MGST1: variants seen among roughly 807,000 people sequenced by gnomAD.
MGST1 encodes the protein glutathione S-transferase 12.
MGST1 carries 5 observed loss-of-function variants against 8.9 expected under a neutral mutation model. The observed-to-expected ratio is 0.56, with a 90% CI of 0.29 to 1.19. The LOEUF (loss-of-function observed/expected upper bound fraction) is 1.19, where lower values mean the gene tolerates loss of function less well. MGST1 is among the 50% of genes most tolerant of loss of function. MGST1 has a pLI of 0.08. For synonymous variants in MGST1, 54 were observed against 67.8 expected (o/e 0.80, Z 1.00); for missense variants, 182 against 187.4 (o/e 0.97, Z 0.17).
intron 4 of MGST1, among the ~76,000 whole-genome samples, chr12:16,543,266 C>A (rs1322027233): frequency 6.6e-6 from 1 of 152,090 alleles, no homozygotes; most frequent in Admixed American, 6.6e-5. Flanking sequence ...AAATGCTAGA[C>A]ACATACATGG....
chr12:16,550,341 TA>T (rs1410767792), intron 4 of MGST1: 1 of 152,456 alleles, frequency 6.6e-6, no homozygotes, highest in Non-Finnish European at 1.5e-5. Flanking sequence ...AACAGATTTT[TA>T]AAGTAACCCT....
chr12:16,484,562 A>C (rs1023184835), intron 4 of MGST1, among the ~76,000 whole-genome samples: 1 of 152,154 alleles, frequency 6.6e-6, no homozygotes, highest in Admixed American at 6.5e-5. Context: ...ACAACTAGGG[A>C]GGTCTCAGGA....
chr12:16,521,067 G>C (rs1375034446), intron 4 of MGST1, among the ~76,000 whole-genome samples: 1 of 152,072 alleles, frequency 6.6e-6, no homozygotes, highest in African/African-American at 2.4e-5. Flanking sequence ...TCCTCCCCCA[G>C]GATGACAGCA....
downstream of MGST1, among the ~76,000 whole-genome samples, chr12:16,381,626 G>T (rs1647955806): frequency 6.6e-6 from 1 of 151,852 alleles, no homozygotes; most frequent in Admixed American, 6.6e-5. Flanking sequence ...TCTTGGGGTT[G>T]CTCTCGAGGA....
At chr12:16,590,279 G>A (rs1943449597), downstream of MGST1, among the ~76,000 whole-genome samples, 1 of 151,942 alleles carries the variant, frequency 6.6e-6, no homozygotes, top group African/African-American at 2.4e-5. Flanking sequence ...TTAGGTTAGT[G>A]GTGAGAAATA....
rs75591820 is a variant in MGST1 at position 16,534,565 on chromosome 12, G to A, written n.483-54963G>A. On this transcript the variant is annotated intron_variant and non_coding_transcript_variant, in intron 4 of 4. Coordinates refer to the MGST1 transcript ENST00000538857. ...TATGTATTGTGTGTAGCAGGGATAA[G>A]GATGCCTATTTAAAGAGCTAGAAAA... Among the ~76,000 whole-genome samples, 1,042 of 152,234 alleles carry A rather than the reference G, an allele frequency of 6.8e-3. 16 individuals are homozygous for A. The highest frequency in any genetic ancestry group is 0.024 in the African/African-American group (996 of 41,534).
rs1941808150 is a variant in MGST1, at chr12:16,544,125, C to T, written n.483-45403C>T. Among the ~76,000 whole-genome samples the T allele has an allele frequency of 6.6e-6, 1 of 151,902 alleles. No individual in the cohort carries two copies. Among genetic ancestry groups the T allele is most frequent in the African/African-American group, 2.4e-5 (1 of 41,378 alleles). On this transcript the variant is annotated intron_variant and non_coding_transcript_variant, in intron 4 of 4. Transcript: ENST00000538857. The surrounding 1 kb of genome is among the most constrained non-coding windows in gnomAD (Gnocchi z 4.8). ...GTTCACAGCATCTTACTGTGCTGCA[C>T]TGCGTTTTTCTCATGCCTTTTATTT...
At chr12:16,551,126 T>C (rs1006009886) in intron 4 of MGST1, 5 of 808,168 alleles carry the variant, frequency 6.2e-6, no homozygotes, top group Middle Eastern at 2.3e-4. Flanking sequence ...ATCTACGCTA[T>C]TCAGTAGGTT....
intron 4 of MGST1, among the ~76,000 whole-genome samples, chr12:16,505,558 A>T (rs754893479): frequency 2.0e-5 from 3 of 152,148 alleles, no homozygotes; most frequent in Non-Finnish European, 4.4e-5. Context: ...TTCTTCCGAG[A>T]TATACCAATA....
intron 1 of MGST1, among the ~76,000 whole-genome samples, chr12:16,427,761 A>T (rs1052593482): frequency 1.3e-5 from 2 of 152,182 alleles, no homozygotes; most frequent in Non-Finnish European, 2.9e-5. Context: ...AATTATTTCC[A>T]TCTAAGCATT....
At chr12:16,570,753 T>C (rs1942787334) in intron 4 of MGST1, among the ~76,000 whole-genome samples, 1 of 152,160 alleles carries the variant, frequency 6.6e-6, no homozygotes, top group African/African-American at 2.4e-5. Context: ...TATCCAGAGA[T>C]TGTGATTTAG....
chr12:16,373,993 T>A (rs1940338894), intron 3 of MGST1, among the ~76,000 whole-genome samples: 1 of 152,140 alleles, frequency 6.6e-6, no homozygotes, highest in Non-Finnish European at 1.5e-5. Flanking sequence ...TCTCTTGACA[T>A]TACTGTGATG....
rs573953710 is a variant in MGST1, at chr12:16,584,162, G to A, written n.483-5366G>A. Among the ~76,000 whole-genome samples the A allele has an allele frequency of 5.9e-5, 9 of 152,200 alleles. No homozygotes were observed. In the East Asian group the frequency reaches 1.7e-3, roughly 30 times the overall value. On this transcript the variant is annotated intron_variant and non_coding_transcript_variant, in intron 4 of 4. Coordinates refer to the MGST1 transcript ENST00000538857. The surrounding 1 kb of genome is among the most constrained non-coding windows in gnomAD (Gnocchi z 5.2). ...AAGAGGGAAATGACAGCAGTGAGTA[G>A]GGGTAAAAGGTAGTATAATTAGATG...
At chr12:16,348,728 G>A (rs1368426229) in intron 1 of MGST1, among the ~76,000 whole-genome samples, 1 of 150,626 alleles carries the variant, frequency 6.6e-6, no homozygotes, top group African/African-American at 2.4e-5. Flanking sequence ...TTGGCCTTAG[G>A]ATAGTACTGG....
intron 4 of MGST1, among the ~76,000 whole-genome samples, chr12:16,502,293 G>A (rs1286221385): frequency 6.6e-6 from 1 of 152,100 alleles, no homozygotes; most frequent in Non-Finnish European, 1.5e-5. Flanking sequence ...AGGCTGACCT[G>A]GATCCAAACT....
chr12:16,364,126 G>T lies in MGST1; in HGVS notation c.*85G>T. Reference sequence around the variant, plus strand: ...TAATGAATACTTTCTTAGATTTTAGGTAGGAGGGGAGCAGAGGAATTATGA... The same window carrying T: ...TAATGAATACTTTCTTAGATTTTAGTTAGGAGGGGAGCAGAGGAATTATGA... On this transcript the variant is annotated 3_prime_UTR_variant, in exon 4 of 4. Coordinates refer to ENST00000396210, the MANE Select transcript of MGST1 (RefSeq NM_020300.5). This position sits in a 1 kb window ranked among gnomAD's most constrained non-coding sequence, Gnocchi z 5.7. The T allele has an allele frequency of 6.8e-7, 1 of 1,480,608 alleles. No homozygotes were observed. The highest frequency in any genetic ancestry group is 9.0e-7 in the Non-Finnish European group (1 of 1,113,696). 91.7% of individuals were successfully genotyped at this position (1,480,608 alleles called of 1,614,324 possible).
chr12:16,351,278 T>A (rs1591688013), intron 1 of MGST1, among the ~76,000 whole-genome samples: 1 of 152,130 alleles, frequency 6.6e-6, no homozygotes, highest in East Asian at 1.9e-4. Context: ...TTACCTACAC[T>A]CTGAAGGATA....
At chr12:16,494,457 G>GTAATTAC (rs1167375595) in intron 4 of MGST1, among the ~76,000 whole-genome samples, 3 of 152,106 alleles carry the variant, frequency 2.0e-5, no homozygotes. Context: ...ATGACTACCA[G>GTAATTAC]TAATTACTTA....
chr12:16,512,537 ATGAT>A (rs1335243548), intron 4 of MGST1, among the ~76,000 whole-genome samples: 2 of 152,260 alleles, frequency 1.3e-5, no homozygotes, highest in Non-Finnish European at 2.9e-5. Flanking sequence ...ATAATTTTAA[ATGAT>A]TACAAATGTT....
Sources: gnomAD v4.1 joint callset for allele counts (sites outside exome capture counted in the v4.1 genomes callset) on GRCh38, gnomAD v4.1.1 for gene constraint, Gnocchi (gnomAD v3.1) non-coding constraint, MANE v1.5 for transcripts, NCBI Gene and HGNC (gene_info 2026-07-23, HGNC 2026-07-21) for gene names.